ITGAE: variants seen among roughly 807,000 people sequenced by gnomAD.
ITGAE encodes integrin alpha-E.
In ITGAE, 99 loss-of-function variants were observed where a neutral mutation model predicts 136.5. The ratio of observed to expected loss-of-function variants is 0.73; its 90% CI spans 0.62 to 0.86. The LOEUF (loss-of-function observed/expected upper bound fraction) is 0.86. Among genes scored for constraint, ITGAE ranks in the 40% least tolerant of loss-of-function variants. The pLI, the probability that ITGAE is intolerant of heterozygous loss-of-function variation, is 0.00. For missense variants in ITGAE, 1,447 were observed against 1,515.3 expected, an observed-to-expected ratio of 0.95 and a Z score of 0.75; for synonymous variants, 613 against 591.8, an observed-to-expected ratio of 1.04 and a Z score of -0.52.
rs1555526942 is a variant in ITGAE at position 3,785,549 on chromosome 17, A to AGGAAGGACGGAC, written c.35-7890_35-7889insGTCCGTCCTTCC. On this transcript the variant is annotated intron_variant, in intron 1 of 30. Coordinates refer to ENST00000263087, the MANE Select transcript of ITGAE (RefSeq NM_002208.5). ...AAGGAAGGAAGGAAGGAAGGAAGGA[A>AGGAAGGACGGAC]GGAAGGAAAACTAGAAAAATCTGAA... Among the ~76,000 whole-genome samples, 48 of 149,520 alleles carry AGGAAGGACGGAC rather than the reference A, an allele frequency of 3.2e-4. 1 individual carries two copies. The highest frequency in any genetic ancestry group is 1.0e-3 in the African/African-American group (40 of 40,046).
At chr17:3,742,990 T>C (rs1386675667) in intron 19 of ITGAE, among the ~76,000 whole-genome samples, 3 of 152,236 alleles carry the variant, frequency 2.0e-5, no homozygotes, top group African/African-American at 7.2e-5. Flanking sequence ...CTGTCTAAGC[T>C]GCACTGATGG....
At chr17:3,723,829 T>G (rs1286352437) in intron 26 of ITGAE, 85 bp from the exon 27 acceptor site, 1 of 1,552,140 alleles carries the variant, frequency 6.4e-7, no homozygotes, top group Non-Finnish European at 8.7e-7. Context: ...CCTGGCGAGG[T>G]GCGCATGCGC....
chr17:3,793,758 G>A (rs894529691), intron 1 of ITGAE, among the ~76,000 whole-genome samples: 5 of 151,768 alleles, frequency 3.3e-5, no homozygotes, highest in Non-Finnish European at 7.4e-5. Flanking sequence ...CGTGTTAGCC[G>A]GGATGGTCTC....
chr17:3,793,899 CAT>C (rs1339574031), intron 1 of ITGAE, among the ~76,000 whole-genome samples: 2 of 150,958 alleles, frequency 1.3e-5, no homozygotes, highest in Non-Finnish European at 2.9e-5. Flanking sequence ...CCTGAGTGCA[CAT>C]GTGTACAAAA....
intron 5 of ITGAE, 60 bp from the exon 6 acceptor site, chr17:3,761,237 G>A (rs1243709360): frequency 6.3e-6 from 10 of 1,581,210 alleles, no homozygotes; most frequent in Admixed American, 3.4e-5. Context: ...GCCTGAGCAC[G>A]CTCACACATG....
intron 20 of ITGAE, among the ~76,000 whole-genome samples, chr17:3,738,201 T>C (rs2051503761): frequency 6.7e-6 from 1 of 148,258 alleles, no homozygotes; most frequent in South Asian, 2.3e-4. Context: ...TTTGGAGTCT[T>C]GCTCTGTCAC....
chr17:3,722,659 AGG>A (rs2051081009), intron 28 of ITGAE, among the ~76,000 whole-genome samples: 1 of 152,160 alleles, frequency 6.6e-6, no homozygotes, highest in Admixed American at 6.6e-5. Flanking sequence ...CGATTATAAA[AGG>A]GGCAGTGGGA....
chr17:3,714,788 G>C lies in ITGAE; in HGVS notation c.*59C>G. The C allele has an allele frequency of 1.1e-6, 1 of 925,488 alleles. No individual in the cohort carries two copies. Among genetic ancestry groups the C allele is most frequent in the Non-Finnish European group, 1.8e-6 (1 of 569,630 alleles). 57.3% of individuals were successfully genotyped at this position (925,488 alleles called of 1,614,324 possible). On this transcript the variant is annotated 3_prime_UTR_variant, in exon 31 of 31. Transcript: ENST00000263087. ...TCCTGAAGGAAAAAGTAATGCAAAG[G>C]ATGCTGGGTCTCCAAGTCCCAGGAC...
intron 30 of ITGAE, among the ~76,000 whole-genome samples, chr17:3,716,281 G>T (rs1325628672): frequency 1.3e-5 from 2 of 152,094 alleles, no homozygotes; most frequent in Non-Finnish European, 2.9e-5. Flanking sequence ...ACAGGGGAAG[G>T]CAAGGAAAAG....
At position 3,799,736 on chromosome 17, in the gene ITGAE, A is replaced by G. The variant is rs1247651584; in HGVS notation, c.34+1375T>C. Among the ~76,000 whole-genome samples, 1 of 152,206 alleles carries G rather than the reference A, an allele frequency of 6.6e-6. No homozygotes were observed. Among genetic ancestry groups the G allele is most frequent in the Non-Finnish European group, 1.5e-5 (1 of 68,030 alleles). ...GAGTGAGACTCTCTCCACACCCCAC[A>G]TGTAACTAAAAACAGAGAAGTCTAA... On this transcript the variant is annotated intron_variant, in intron 1 of 30. Coordinates refer to ENST00000263087, the MANE Select transcript of ITGAE (RefSeq NM_002208.5). This position sits in a 1 kb window ranked among gnomAD's most constrained non-coding sequence, Gnocchi z 4.1.
Position 3,757,107 on chromosome 17 carries a change from T to G in ITGAE, c.1048A>C (p.Thr350Pro), listed in dbSNP as rs1442211254. ...GVGEEFKSARTARELNLIASD... is the reference protein window; with the variant it reads ...GVGEEFKSARPARELNLIASD... ...GCGATCAGGTTCAGTTCCCTCGCAGTCCTAGCACTCTTAAATTCTTCTCCC... is the reference window on the plus strand; with the variant it reads ...GCGATCAGGTTCAGTTCCCTCGCAGGCCTAGCACTCTTAAATTCTTCTCCC... The change falls in exon 10 of 31, where the codon ACT (threonine) becomes CCT (proline). Residue 350 changes from threonine (T) to proline (P), a missense_variant. Coordinates refer to ENST00000263087, the MANE Select transcript of ITGAE (RefSeq NM_002208.5). 4 of 1,614,116 alleles carry G rather than the reference T, an allele frequency of 2.5e-6. No individual in the cohort carries two copies. Among genetic ancestry groups the G allele is most frequent in the African/African-American group, 2.7e-5 (2 of 75,018 alleles).
At chr17:3,797,261 G>A (rs2053137468) in intron 1 of ITGAE, among the ~76,000 whole-genome samples, 1 of 147,846 alleles carries the variant, frequency 6.8e-6, no homozygotes, top group South Asian at 2.1e-4. Flanking sequence ...CGCCTCCCGG[G>A]TTCACGCCAT....
rs2051836427 is a variant in ITGAE at position 3,750,438 on chromosome 17, G to A, written c.1938C>T (p.Gly646=). The A allele has an allele frequency of 1.2e-6, 2 of 1,614,110 alleles. No homozygotes were observed. The highest frequency in any genetic ancestry group is 1.7e-5 in the Admixed American group (1 of 60,012). The change falls in exon 16 of 31, where the codon GGC becomes GGT. Residue 646 remains glycine (G), a synonymous_variant. Coordinates refer to ENST00000263087, the MANE Select transcript of ITGAE (RefSeq NM_002208.5). The part of the protein sequence containing the change: ...STVAPGLQYF[G]MSMAGGFDIS... ...TATCAAAGCCACCAGCCATGGACAT[G>A]CCGAAGTACTGGAGTCCTGGGGCCA...
chr17:3,729,544 C>T lies in ITGAE; in HGVS notation c.2846G>A (p.Arg949Lys). 1 of 1,591,718 alleles carries T rather than the reference C, an allele frequency of 6.3e-7. No individual in the cohort carries two copies. Among genetic ancestry groups the T allele is most frequent in the Non-Finnish European group, 8.6e-7 (1 of 1,161,112 alleles). The change falls in exon 24 of 31, where the codon AGA becomes AAA. Residue 949 changes from arginine to lysine, a missense_variant. Coordinates refer to ENST00000263087, the MANE Select transcript of ITGAE (RefSeq NM_002208.5). ...ITVTVTNSNERRSLANETHTL... is the reference protein window; with the variant it reads ...ITVTVTNSNEKRSLANETHTL... ...GTGGGTCTCGTTGGCCAAAGACCGT[C>T]TTTCATTGGAACTAGGAATAAGAGT...
intron 1 of ITGAE, among the ~76,000 whole-genome samples, chr17:3,790,522 AC>A (rs1242989339): frequency 4.3e-4 from 66 of 152,020 alleles, no homozygotes; most frequent in African/African-American, 1.4e-3. Context: ...ACACACACAC[AC>A]ACACACACAA....
At chr17:3,727,769 CCTT>C (rs1433397077) in intron 26 of ITGAE, 147 bp downstream of exon 26, 10 of 627,330 alleles carry the variant, frequency 1.6e-5, no homozygotes, top group Non-Finnish European at 2.6e-5. Context: ...GATTGAGAGT[CCTT>C]CTGAACAGGA....
At chr17:3,750,578 C>A in intron 15 of ITGAE, 96 bp from the exon 16 acceptor site, 2 of 1,418,820 alleles carry the variant, frequency 1.4e-6, no homozygotes, top group Non-Finnish European at 1.9e-6. Flanking sequence ...ATCGCAGGCA[C>A]CATCCAGCCC....
rs2052084381 is a variant in ITGAE at position 3,758,545 on chromosome 17, G to A, written c.867-686C>T. On this transcript the variant is annotated intron_variant, in intron 8 of 30. Coordinates refer to ENST00000263087, the MANE Select transcript of ITGAE (RefSeq NM_002208.5). ...CAGCTCACTGCAACCTCTGCCTCCC[G>A]AGTTCAAGCAATTCTCCCTGCCTCA... 2.6e-5 allele frequency among the ~76,000 whole-genome samples: 4 copies of A among 152,078 alleles called. 1 individual carries two copies. Among genetic ancestry groups the A allele is most frequent in the East Asian group, 2.0e-4 (1 of 5,122 alleles).
chr17:3,781,492 G>A (rs2052666449), intron 1 of ITGAE, among the ~76,000 whole-genome samples: 1 of 152,088 alleles, frequency 6.6e-6, no homozygotes, highest in East Asian at 1.9e-4. Flanking sequence ...CCAAATAGCT[G>A]GGATTACAGG....
Sources: gnomAD v4.1 joint callset for allele counts (sites outside exome capture counted in the v4.1 genomes callset) on GRCh38, gnomAD v4.1.1 for gene constraint, Gnocchi (gnomAD v3.1) non-coding constraint, MANE v1.5 for transcripts, NCBI Gene and HGNC (gene_info 2026-07-23, HGNC 2026-07-21) for gene names.